CALB1: variants seen among roughly 807,000 people sequenced by gnomAD.
CALB1 encodes the protein calbindin 1, also known as calbindin.
In CALB1, 16 loss-of-function variants were observed where a neutral mutation model predicts 46.7. The ratio of observed to expected loss-of-function variants is 0.34; its 90% CI spans 0.23 to 0.52. CALB1 has a LOEUF of 0.52. Among genes scored for constraint, CALB1 ranks in the 20% least tolerant of loss-of-function variants. The pLI is 0.95. For missense variants in CALB1, 224 were observed against 300.3 expected (o/e 0.75, Z 1.88); for synonymous variants, 90 against 112.8 (o/e 0.80, Z 1.28).
intron 3 of CALB1, 54 bp downstream of exon 3, chr8:90,078,319 A>G: frequency 8.6e-7 from 1 of 1,156,956 alleles, no homozygotes; most frequent in Admixed American, 1.9e-5. Context: ...AGACAACTTC[A>G]AAATTGAAAC....
intron 9 of CALB1, 57 bp downstream of exon 9, chr8:90,063,043 T>A: frequency 8.1e-7 from 1 of 1,231,912 alleles, no homozygotes; most frequent in Middle Eastern, 2.8e-4. Context: ...GTTAAGAGGA[T>A]CTTATGTTGT....
Position 90,082,762 on chromosome 8 carries a change from T to C in CALB1, c.-65A>G, listed in dbSNP as rs973701303. 1 of 1,455,450 alleles carries C rather than the reference T, an allele frequency of 6.9e-7. No individual in the cohort carries two copies. 90.2% of individuals were successfully genotyped at this position (1,455,450 alleles called of 1,614,324 possible). The stretch of plus-strand genomic sequence containing the variant: ...GTGTCTGTGTCCGCGCGAGGGGGAG[T>C]GAGCAAAAGCTCAGCGTGTGCGCGA... On this transcript the variant is annotated 5_prime_UTR_variant, in exon 1 of 11. Transcript: ENST00000265431.
At chr8:90,082,341 G>A (rs1814748159) in intron 1 of CALB1, 2 of 600,846 alleles carry the variant, frequency 3.3e-6, no homozygotes, top group South Asian at 4.1e-5. Flanking sequence ...AACTTTGGGG[G>A]GGCAGCATTC....
At chr8:90,069,406 G>A (rs368149399) in intron 3 of CALB1, among the ~76,000 whole-genome samples, 169 bp from the exon 4 acceptor site, 24 of 152,250 alleles carry the variant, frequency 1.6e-4, no homozygotes, top group African/African-American at 4.3e-4. Context: ...CCTATGGAGC[G>A]CTGTCGATTC....
intron 6 of CALB1, 88 bp from the exon 7 acceptor site, chr8:90,063,549 TATC>T (rs1410911912): frequency 1.8e-6 from 2 of 1,083,762 alleles, no homozygotes; most frequent in African/African-American, 3.1e-5. Context: ...CTGTTTGAGT[TATC>T]AACTACTTGT....
intron 4 of CALB1, 27 bp from the exon 5 acceptor site, chr8:90,069,081 C>CA: frequency 6.2e-7 from 1 of 1,611,666 alleles, no homozygotes; most frequent in Non-Finnish European, 8.5e-7. Context: ...ATAAGGAAAA[C>CA]AAACACATTT....
chr8:90,082,011 C>T lies in CALB1; in HGVS notation c.156+15G>A. The T allele has an allele frequency of 6.2e-7, 1 of 1,600,248 alleles. No homozygotes were observed. The highest frequency in any genetic ancestry group is 1.4e-5 in the African/African-American group (1 of 73,774). On this transcript the variant is annotated intron_variant, in intron 2 of 10. Coordinates refer to ENST00000265431, the MANE Select transcript of CALB1 (RefSeq NM_004929.4). ...GTTAAAAGTCTTTTTTTCTTTTTCG[C>T]AAACTTGAACCTACCAATCCAGCCT...
chr8:90,062,082 T>C (rs1176233045), intron 9 of CALB1: 1 of 151,950 alleles, frequency 6.6e-6, no homozygotes, highest in Non-Finnish European at 1.5e-5. Context: ...AAACACAAAA[T>C]GGGACAAGGA....
intron 3 of CALB1, among the ~76,000 whole-genome samples, chr8:90,075,766 A>G (rs1358498374): frequency 1.3e-5 from 2 of 152,066 alleles, no homozygotes; most frequent in Non-Finnish European, 2.9e-5. Context: ...GTGAACCAAC[A>G]TGCATATGAA....
At chr8:90,067,476 A>G (rs1814422756) in intron 5 of CALB1, among the ~76,000 whole-genome samples, 1 of 152,208 alleles carries the variant, frequency 6.6e-6, no homozygotes, top group African/African-American at 2.4e-5. Context: ...TAATAAAATA[A>G]AAACACAGTG....
intron 5 of CALB1, 30 bp from the exon 6 acceptor site, chr8:90,066,005 T>G: frequency 1.5e-6 from 2 of 1,346,620 alleles, no homozygotes; most frequent in Non-Finnish European, 2.1e-6. Context: ...TTAGATTAAT[T>G]TCATTAATAA....
intron 3 of CALB1, among the ~76,000 whole-genome samples, chr8:90,077,743 A>G (rs1192162140): frequency 6.6e-6 from 1 of 152,084 alleles, no homozygotes; most frequent in East Asian, 1.9e-4. Flanking sequence ...AGTCACTGTG[A>G]AAGGATAAGA....
intron 8 of CALB1, 30 bp downstream of exon 8, chr8:90,063,251 T>C: frequency 6.4e-7 from 1 of 1,566,584 alleles, no homozygotes; most frequent in Non-Finnish European, 8.8e-7. Context: ...TCAAGGAAAA[T>C]ATTATTTAAG....
At chr8:90,075,882 A>T (rs1033151694) in intron 3 of CALB1, among the ~76,000 whole-genome samples, 1 of 152,054 alleles carries the variant, frequency 6.6e-6, no homozygotes, top group African/African-American at 2.4e-5. Context: ...GATAACTAAG[A>T]TTAATGAAAA....
chr8:90,059,966 T>G lies in CALB1; in HGVS notation c.*207A>C, dbSNP rs1017191623. On this transcript the variant is annotated 3_prime_UTR_variant, in exon 11 of 11. Coordinates refer to ENST00000265431, the MANE Select transcript of CALB1 (RefSeq NM_004929.4). ...TGTACTGACTGGCCTAAGCATAGAC[T>G]TTCTTCTTTTCAATCATATGGTTAC... The G allele has an allele frequency of 2.6e-5, 12 of 468,094 alleles. No homozygotes were observed. The highest frequency in any genetic ancestry group is 3.4e-5 in the Non-Finnish European group (9 of 264,506). The allele number at this position is 468,094 out of a possible 1,614,324, so 29.0% of individuals were successfully genotyped here. A position where few individuals can be genotyped will look rare whatever the true frequency, so the allele number is the denominator to read the frequency against.
intron 2 of CALB1, among the ~76,000 whole-genome samples, chr8:90,079,881 C>G (rs1814696579): frequency 6.6e-6 from 1 of 151,790 alleles, no homozygotes; most frequent in Admixed American, 6.6e-5. Context: ...TCCATTAATG[C>G]AATGAAATCT....
At chr8:90,067,194 G>A (rs532279301) in intron 5 of CALB1, among the ~76,000 whole-genome samples, 6 of 152,146 alleles carry the variant, frequency 3.9e-5, no homozygotes, top group African/African-American at 9.6e-5. Flanking sequence ...ACCTTGGGAC[G>A]CAGAGATTCA....
intron 1 of CALB1, 42 bp downstream of exon 1, chr8:90,082,577 T>C (rs1386498989): frequency 1.3e-6 from 2 of 1,519,284 alleles, no homozygotes; most frequent in Non-Finnish European, 1.8e-6. Context: ...GGAAGGGGCA[T>C]GGAAACGGGT....
At chr8:90,081,620 G>A (rs2130255817) in intron 2 of CALB1, 1 of 214,302 alleles carries the variant, frequency 4.7e-6, no homozygotes, top group Non-Finnish European at 8.0e-6. Flanking sequence ...TAGAGGTGGT[G>A]ATCCGCTAAA....
Sources: allele counts gnomAD v4.1 joint callset (sites outside exome capture counted in the v4.1 genomes callset), GRCh38; gene constraint gnomAD v4.1.1; transcripts MANE v1.5; gene names NCBI Gene and HGNC (gene_info 2026-07-23, HGNC 2026-07-21).